The following BRD7 variants were observed in gnomAD, a reference collection of about 807,000 sequenced individuals.
BRD7 encodes the protein bromodomain containing 7, also known as bromodomain-containing protein 7.
A neutral mutation model predicts 82.1 loss-of-function variants in BRD7; 15 were observed. The ratio of observed to expected loss-of-function variants is 0.18; its 90% CI spans 0.12 to 0.28. The LOEUF (loss-of-function observed/expected upper bound fraction) is 0.28, where lower values mean the gene tolerates loss of function less well. Among genes scored for constraint, BRD7 ranks in the 10% least tolerant of loss-of-function variants. BRD7 has a pLI of 1.00. For missense variants in BRD7, 638 were observed against 779.9 expected (o/e 0.82, Z 2.17); for synonymous variants, 232 against 266.9 (o/e 0.87, Z 1.27).
At chr16:50,366,481 TG>T (rs2039147434) in intron 2 of BRD7, among the ~76,000 whole-genome samples, 2 of 152,370 alleles carry the variant, frequency 1.3e-5, no homozygotes, top group Middle Eastern at 6.8e-3. Flanking sequence ...ATGAAAGCAA[TG>T]ATCTAACTAG....
chr16:50,347,989 C>T (rs1420994160), intron 5 of BRD7, among the ~76,000 whole-genome samples: 1 of 152,282 alleles, frequency 6.6e-6, no homozygotes, highest in African/African-American at 2.4e-5. Context: ...CTGGAGGCAT[C>T]ACACTACCTG....
chr16:50,324,522 T>C (rs1209595218), intron 11 of BRD7, among the ~76,000 whole-genome samples: 1 of 152,246 alleles, frequency 6.6e-6, no homozygotes, highest in African/African-American at 2.4e-5. Context: ...GCCATGTGCC[T>C]GCACTCTTCT....
intron 2 of BRD7, among the ~76,000 whole-genome samples, chr16:50,358,160 A>G (rs2038807882): frequency 6.6e-6 from 1 of 152,184 alleles, no homozygotes; most frequent in Non-Finnish European, 1.5e-5. Flanking sequence ...TTGTGTTTCA[A>G]TAAAAATTTA....
At chr16:50,331,872 C>G (rs1012926996) in intron 8 of BRD7, among the ~76,000 whole-genome samples, 1 of 152,076 alleles carries the variant, frequency 6.6e-6, no homozygotes, top group Non-Finnish European at 1.5e-5. Flanking sequence ...TTGACAAAGT[C>G]GACAAAAATA....
At chr16:50,331,651 A>C (rs2037571136) in intron 8 of BRD7, among the ~76,000 whole-genome samples, 1 of 152,236 alleles carries the variant, frequency 6.6e-6, no homozygotes, top group Non-Finnish European at 1.5e-5. Context: ...GTAGTGAGCC[A>C]AGATTGTGCC....
At chr16:50,341,928 T>TCTCACACACACACACACA (rs780059612) in intron 5 of BRD7, among the ~76,000 whole-genome samples, 2 of 143,552 alleles carry the variant, frequency 1.4e-5, no homozygotes, top group African/African-American at 2.6e-5. Flanking sequence ...TGCACACTTT[T>TCTCACACACACACACACA]CACACACACA....
At position 50,367,894 on chromosome 16, in the gene BRD7, T is replaced by C. The variant is rs543343117; in HGVS notation, c.258+196A>G. ...TTCCTCACCTGATGTGCGAGTACAATTGCCTAAGAGTATAATCCAAAAACG... is the reference window on the plus strand; with the variant it reads ...TTCCTCACCTGATGTGCGAGTACAACTGCCTAAGAGTATAATCCAAAAACG... On this transcript the variant is annotated intron_variant, in intron 2 of 16. Coordinates refer to ENST00000394688, the MANE Select transcript of BRD7 (RefSeq NM_013263.5). Among the ~76,000 whole-genome samples, 111 of 152,282 alleles carry C rather than the reference T, an allele frequency of 7.3e-4. 1 individual carries two copies. The highest frequency in any genetic ancestry group is 2.6e-3 in the African/African-American group (109 of 41,548).
At chr16:50,326,490 G>A in intron 9 of BRD7, 99 bp from the exon 10 acceptor site, 1 of 720,390 alleles carries the variant, frequency 1.4e-6, no homozygotes, top group Non-Finnish European at 2.2e-6. Flanking sequence ...CATGTCATCT[G>A]CATGACCGTG....
At chr16:50,324,439 C>T (rs1330534568) in intron 11 of BRD7, among the ~76,000 whole-genome samples, 2 of 152,154 alleles carry the variant, frequency 1.3e-5, no homozygotes, top group African/African-American at 4.8e-5. Flanking sequence ...CGCAATCCAC[C>T]AGTAACTTCC....
rs145220538 is a variant in BRD7 at position 50,368,201 on chromosome 16, G to A, written c.147C>T (p.Phe49=). The A allele has an allele frequency of 2.5e-6, 4 of 1,614,118 alleles. No individual in the cohort carries two copies. Among genetic ancestry groups the A allele is most frequent in the Non-Finnish European group, 3.4e-6 (4 of 1,180,032 alleles). ...TGSSGHDSSL[F]EDKNDHDKHK... ...GTTTGTCATGATCGTTTTTGTCTTC[G>A]AAGAGGCTGGAGTCGTGCCCCGAGC... is the stretch of plus-strand genomic sequence containing the variant. The change falls in exon 2 of 17, where the codon TTC becomes TTT. Residue 49 remains phenylalanine, a synonymous_variant. Transcript: ENST00000394688.
At chr16:50,335,240 C>T (rs1455711117) in intron 6 of BRD7, among the ~76,000 whole-genome samples, 1 of 152,192 alleles carries the variant, frequency 6.6e-6, no homozygotes, top group Non-Finnish European at 1.5e-5. Context: ...TTGTGTTTAA[C>T]AGACAGGCTT....
In BRD7 at chr16:50,320,687, G is replaced by A; in HGVS notation, c.1588C>T (p.Pro530Ser). The A allele has an allele frequency of 6.2e-7, 1 of 1,613,960 alleles. No individual in the cohort carries two copies. The highest frequency in any genetic ancestry group is 2.2e-5 in the East Asian group (1 of 44,884). Reference sequence around the variant, plus strand: ...CCTTCAGAGTCAAAAACTTCAACTGGAACGCCAAAATTTGTTACTGCTTTC... The same window carrying A: ...CCTTCAGAGTCAAAAACTTCAACTGAAACGCCAAAATTTGTTACTGCTTTC... ...ALKAVTNFGVPVEVFDSEEAE... is the reference protein window; with the variant it reads ...ALKAVTNFGVSVEVFDSEEAE... Residue 530 changes from proline to serine, a missense_variant, in exon 14 of 17, where the codon CCA becomes TCA. Around this residue, in one of 3 missense-constraint regions of BRD7, gnomAD observed 402 missense variants for 500.8 expected, o/e 0.80. Coordinates refer to ENST00000394688, the MANE Select transcript of BRD7 (RefSeq NM_013263.5).
At chr16:50,334,544 T>A (rs1338144127) in intron 7 of BRD7, among the ~76,000 whole-genome samples, 167 bp downstream of exon 7, 1 of 152,160 alleles carries the variant, frequency 6.6e-6, no homozygotes, top group Non-Finnish European at 1.5e-5. Flanking sequence ...TAGTGCTTCA[T>A]ATGAGAAGAG....
At chr16:50,353,759 ATT>A (rs5816691) in intron 4 of BRD7, among the ~76,000 whole-genome samples, 1,763 of 132,812 alleles carry the variant, frequency 0.013, 36 homozygotes, top group African/African-American at 0.038. Context: ...ATGCCTGGCA[ATT>A]TTTTTTTTTT....
At chr16:50,368,061 C>A in intron 2 of BRD7, 29 bp downstream of exon 2, 1 of 1,612,718 alleles carries the variant, frequency 6.2e-7, no homozygotes, top group Non-Finnish European at 8.5e-7. Flanking sequence ...GTGCCGTCCG[C>A]AAAGCCAAAG....
chr16:50,368,646 G>C (rs1431951542), intron 1 of BRD7, 80 bp downstream of exon 1: 64 of 1,443,294 alleles, frequency 4.4e-5, no homozygotes, highest in Non-Finnish European at 5.9e-5. Flanking sequence ...GCCCCGGGCC[G>C]CCCCGGAGCC....
chr16:50,330,017 G>C (rs756230630), intron 8 of BRD7, among the ~76,000 whole-genome samples: 1 of 152,122 alleles, frequency 6.6e-6, no homozygotes, highest in African/African-American at 2.4e-5. Flanking sequence ...CTGGCAGCTT[G>C]TGATCTCTTG....
intron 5 of BRD7, among the ~76,000 whole-genome samples, chr16:50,341,222 C>T (rs908938477): frequency 4.9e-5 from 6 of 122,370 alleles, no homozygotes; most frequent in Non-Finnish European, 1.1e-4. Context: ...ACACACACAG[C>T]TGAACACAAA....
intron 13 of BRD7, among the ~76,000 whole-genome samples, chr16:50,321,566 CAAAAAAAAAAAAAA>C (rs60824563): frequency 2.8e-4 from 19 of 67,462 alleles, no homozygotes; most frequent in African/African-American, 1.0e-3. Context: ...GACTCCATCT[CAAAAAAAAAAAAAA>C]AAAAAAAAAA....
Sources: allele counts gnomAD v4.1 joint callset (sites outside exome capture counted in the v4.1 genomes callset), GRCh38; gene constraint gnomAD v4.1.1; regional missense constraint gnomAD v4.1.1; transcripts MANE v1.5; gene names NCBI Gene and HGNC (gene_info 2026-07-23, HGNC 2026-07-21).